UBTD2: variants seen among roughly 807,000 people sequenced by gnomAD.
UBTD2 encodes the protein ubiquitin domain containing 2.
In UBTD2, 9 loss-of-function variants were observed where a neutral mutation model predicts 19.8. The ratio of observed to expected loss-of-function variants is 0.46; its 90% CI spans 0.27 to 0.79. The LOEUF is 0.79. Ranked by LOEUF, UBTD2 falls within the 30% of genes least tolerant of loss-of-function variation. The pLI, the probability that UBTD2 is intolerant of heterozygous loss-of-function variation, is 0.14. For synonymous variants in UBTD2, 98 were observed against 103.9 expected, an observed-to-expected ratio of 0.94 and a Z score of 0.35; for missense variants, 250 against 300.4, an observed-to-expected ratio of 0.83 and a Z score of 1.24.
At chr5:172,262,390 C>T (rs1328995265) in intron 1 of UBTD2, among the ~76,000 whole-genome samples, 1 of 133,356 alleles carries the variant, frequency 7.5e-6, no homozygotes, top group Non-Finnish European at 1.5e-5. Context: ...GCAGAGGTTG[C>T]AGCAAGCTGA....
intron 1 of UBTD2, among the ~76,000 whole-genome samples, chr5:172,251,984 C>T (rs13355737): frequency 0.32 from 49,120 of 151,998 alleles, 8,023 homozygotes; most frequent in South Asian, 0.42. Flanking sequence ...AAAGATTTAA[C>T]GAGGTAATAT....
At chr5:172,282,215 T>G (rs1755732489) in intron 1 of UBTD2, among the ~76,000 whole-genome samples, 1 of 152,224 alleles carries the variant, frequency 6.6e-6, no homozygotes, top group Admixed American at 6.5e-5. Flanking sequence ...AATTTCACCT[T>G]AACCCAAGGC....
intron 2 of UBTD2, among the ~76,000 whole-genome samples, chr5:172,228,517 T>C (rs1191917846): frequency 6.6e-6 from 1 of 152,134 alleles, no homozygotes; most frequent in Non-Finnish European, 1.5e-5. Flanking sequence ...GGTCAGGAGA[T>C]TGAGACCACC....
At chr5:172,217,288 G>C (rs1158505023) in intron 2 of UBTD2, among the ~76,000 whole-genome samples, 6 of 151,766 alleles carry the variant, frequency 4.0e-5, no homozygotes, top group Non-Finnish European at 8.8e-5. Context: ...GCATGGTGGT[G>C]GGTGCTTATA....
intron 1 of UBTD2, among the ~76,000 whole-genome samples, chr5:172,249,056 A>G (rs1179992678): frequency 6.6e-6 from 1 of 152,116 alleles, no homozygotes; most frequent in Non-Finnish European, 1.5e-5. Context: ...CAAATAACTA[A>G]AATTAGAAAC....
chr5:172,219,920 G>A (rs1379633250), intron 2 of UBTD2, among the ~76,000 whole-genome samples: 1 of 152,116 alleles, frequency 6.6e-6, no homozygotes, highest in Non-Finnish European at 1.5e-5. Context: ...CATCCACTGG[G>A]GGTTCTGGAA....
chr5:172,217,213 A>G (rs1323291162), intron 2 of UBTD2, among the ~76,000 whole-genome samples: 1 of 151,796 alleles, frequency 6.6e-6, no homozygotes, highest in Non-Finnish European at 1.5e-5. Context: ...GGAGTTCAAG[A>G]TCAGCCTGCC....
At chr5:172,260,091 AAAG>A (rs1452064913) in intron 1 of UBTD2, among the ~76,000 whole-genome samples, 1 of 150,576 alleles carries the variant, frequency 6.6e-6, no homozygotes, top group Non-Finnish European at 1.5e-5. Flanking sequence ...CCCCCAACAA[AAAG>A]AAGAGCAAAT....
chr5:172,219,868 C>T (rs1771617772), intron 2 of UBTD2, among the ~76,000 whole-genome samples: 1 of 152,262 alleles, frequency 6.6e-6, no homozygotes, highest in South Asian at 2.1e-4. Context: ...AATTGTGTTC[C>T]AATTGACAGC....
intron 2 of UBTD2, among the ~76,000 whole-genome samples, chr5:172,229,307 T>C (rs553352724): frequency 2.6e-4 from 39 of 152,136 alleles, no homozygotes; most frequent in Admixed American, 4.6e-4. Context: ...GAGACCATCC[T>C]GGCTAACACG....
At position 172,232,468 on chromosome 5, in the gene UBTD2, A is replaced by G. The variant is rs141786241; in HGVS notation, c.307+1654T>C. Among the ~76,000 whole-genome samples, 1,256 of 152,288 alleles carry G rather than the reference A, an allele frequency of 8.2e-3. 16 individuals are homozygous for G. The highest frequency in any genetic ancestry group is 0.028 in the African/African-American group (1,143 of 41,560). Reference sequence around the variant, plus strand: ...AAGACTATGCTAATAAACTTTCATAATAAAGAACAGGCAGCTATAAAAAAA... The same window carrying G: ...AAGACTATGCTAATAAACTTTCATAGTAAAGAACAGGCAGCTATAAAAAAA... On this transcript the variant is annotated intron_variant, in intron 2 of 2. Coordinates refer to ENST00000393792, the MANE Select transcript of UBTD2 (RefSeq NM_152277.3).
At chr5:172,273,509 T>TCA (rs1177605428) in intron 1 of UBTD2, among the ~76,000 whole-genome samples, 2 of 145,944 alleles carry the variant, frequency 1.4e-5, no homozygotes, top group Non-Finnish European at 3.0e-5. Flanking sequence ...GAGAATCGCT[T>TCA]GAACCTGGGA....
At chr5:172,255,239 C>T in intron 1 of UBTD2, 3 of 456,292 alleles carry the variant, frequency 6.6e-6, no homozygotes, top group Non-Finnish European at 8.8e-6. Flanking sequence ...CGCTTGCTCA[C>T]CATGAAGTCC....
intron 1 of UBTD2, among the ~76,000 whole-genome samples, chr5:172,264,344 C>T (rs1755329685): frequency 6.6e-6 from 1 of 151,608 alleles, no homozygotes; most frequent in Admixed American, 6.6e-5. Flanking sequence ...GTCAGAAGTT[C>T]AAGACCAGCC....
Position 172,220,201 on chromosome 5 carries a change from CA to C in UBTD2, c.308-7975del, listed in dbSNP as rs895263612. Among the ~76,000 whole-genome samples the C allele has an allele frequency of 5.3e-5, 8 of 152,190 alleles. No individual in the cohort carries two copies. The East Asian group carries it at 5.8e-4, about 11-fold the overall frequency. Reference sequence around the variant, plus strand: ...CATTTGAAAATCAATTAATATAATCCATAATATCAATAGGCTAAAGAAGAAA... The same window carrying C: ...CATTTGAAAATCAATTAATATAATCCTAATATCAATAGGCTAAAGAAGAAA... On this transcript the variant is annotated intron_variant, in intron 2 of 2. Coordinates refer to ENST00000393792, the MANE Select transcript of UBTD2 (RefSeq NM_152277.3).
chr5:172,239,539 G>A (rs965890124), intron 1 of UBTD2, among the ~76,000 whole-genome samples: 1 of 151,932 alleles, frequency 6.6e-6, no homozygotes, highest in Non-Finnish European at 1.5e-5. Flanking sequence ...TCCTGCCTCA[G>A]CCTCCCGAGT....
At chr5:172,223,239 C>T (rs1771687186) in intron 2 of UBTD2, among the ~76,000 whole-genome samples, 1 of 152,032 alleles carries the variant, frequency 6.6e-6, no homozygotes, top group Non-Finnish European at 1.5e-5. Flanking sequence ...GTAACTAAAG[C>T]AGATTGGGAA....
At position 172,209,655 on chromosome 5, in the gene UBTD2, C is replaced by T. The variant is rs993990337; in HGVS notation, c.*2175G>A. 2.3e-5 allele frequency: 3 copies of T among 131,182 alleles called. No homozygotes were observed. Among genetic ancestry groups the T allele is most frequent in the African/African-American group, 8.6e-5 (3 of 34,740 alleles). The allele number at this position is 131,182 out of a possible 1,614,324, so 8.1% of individuals were successfully genotyped here. ...GGCAAAGACAAAGAGAAAAATTGAA[C>T]CTTTTTTTTTTTTTTAAAAAAAGCA... On this transcript the variant is annotated 3_prime_UTR_variant, in exon 3 of 3. Transcript: ENST00000393792.
At chr5:172,253,234 A>G (rs1351630309) in intron 1 of UBTD2, among the ~76,000 whole-genome samples, 1 of 152,144 alleles carries the variant, frequency 6.6e-6, no homozygotes, top group African/African-American at 2.4e-5. Flanking sequence ...TACGATCATT[A>G]CAAAATTCTA....
Sources: gnomAD v4.1 joint callset for allele counts (sites outside exome capture counted in the v4.1 genomes callset) on GRCh38, gnomAD v4.1.1 for gene constraint, MANE v1.5 for transcripts, NCBI Gene and HGNC (gene_info 2026-07-23, HGNC 2026-07-21) for gene names.